The following STX11 variants were observed in gnomAD, a reference collection of about 807,000 sequenced individuals.
STX11 encodes syntaxin-11.
Under a neutral mutation model 19.9 loss-of-function variants are expected in STX11, and 21 were observed. The observed-to-expected ratio is 1.06, with a 90% CI of 0.75 to 1.52. The LOEUF (loss-of-function observed/expected upper bound fraction) is 1.52. STX11 is among the 40% of genes most tolerant of loss of function. The pLI is 0.00. For synonymous variants in STX11, 193 were observed against 174.4 expected (o/e 1.11, Z -0.84); for missense variants, 438 against 405.9 (o/e 1.08, Z -0.68).
rs1014541037 is a variant in STX11 at position 144,182,814 on chromosome 6, G to A, written c.-5-3809G>A. On this transcript the variant is annotated intron_variant, in intron 1 of 1. Transcript: ENST00000367568. The surrounding 1 kb of genome is among the most constrained non-coding windows in gnomAD (Gnocchi z 4.8). ...TCCATTGAAGTGCCTTGTAAGGCTT[G>A]GCCAACATGTAAGGAAGGAAGGCAT... Among the ~76,000 whole-genome samples the A allele has an allele frequency of 1.3e-5, 2 of 152,122 alleles. No homozygotes were observed. The highest frequency in any genetic ancestry group is 4.8e-5 in the African/African-American group (2 of 41,412).
At chr6:144,141,872 G>C in the STX11 span, among the ~76,000 whole-genome samples, 5 of 151,914 alleles carry the variant, frequency 3.3e-5, no homozygotes, top group Admixed American at 1.3e-4. Context: ...TGTAGAGATG[G>C]GGTTTTGCCA....
chr6:144,164,629 A>G (rs1801431001), intron 1 of STX11, among the ~76,000 whole-genome samples: 1 of 152,234 alleles, frequency 6.6e-6, no homozygotes, highest in Non-Finnish European at 1.5e-5. Flanking sequence ...TTCTGTTGGT[A>G]TTAAAAGATG....
upstream of STX11, chr6:144,150,478 G>A (rs1325371147): frequency 5.1e-6 from 5 of 984,924 alleles, no homozygotes; most frequent in Non-Finnish European, 6.0e-6. Context: ...CCCAGCTGTG[G>A]TCGCTTCCTA....
intron 1 of STX11, among the ~76,000 whole-genome samples, chr6:144,150,918 A>AT (rs1314203501): frequency 1.3e-5 from 2 of 152,112 alleles, no homozygotes; most frequent in African/African-American, 4.8e-5. Context: ...AAGCAGAATG[A>AT]TTTTTTAAAA....
At chr6:144,140,892 A>C in the STX11 span, 1 of 639,988 alleles carries the variant, frequency 1.6e-6, no homozygotes, top group Non-Finnish European at 1.9e-6. Context: ...GGCTATACAA[A>C]TGTTTAATGT....
intron 1 of STX11, among the ~76,000 whole-genome samples, chr6:144,185,917 T>C (rs1481635812): frequency 1.3e-5 from 2 of 152,160 alleles, no homozygotes; most frequent in Non-Finnish European, 2.9e-5. Flanking sequence ...TAAGAGTTGT[T>C]AGTGTGTACA....
chr6:144,191,555 T>C lies in STX11; in HGVS notation c.*4064T>C, dbSNP rs1052127831. 2.0e-5 allele frequency among the ~76,000 whole-genome samples: 3 copies of C among 151,718 alleles called. No individual in the cohort carries two copies. Among genetic ancestry groups the C allele is most frequent in the African/African-American group, 7.3e-5 (3 of 41,256 alleles). ...AGCTTAAAAAAAAAAATAGGGTAACTATAGTCTTGATTTTTATGTATAAAT... is the reference window on the plus strand; with the variant it reads ...AGCTTAAAAAAAAAAATAGGGTAACCATAGTCTTGATTTTTATGTATAAAT... On this transcript the variant is annotated 3_prime_UTR_variant, in exon 2 of 2. Transcript: ENST00000367568.
At chr6:144,166,865 C>A (rs956039593) in intron 1 of STX11, among the ~76,000 whole-genome samples, 2 of 151,032 alleles carry the variant, frequency 1.3e-5, no homozygotes, top group African/African-American at 2.4e-5. Flanking sequence ...CTCCCCTCCC[C>A]TCCCCTCTCC....
rs1334801757 is a variant in STX11, at chr6:144,175,353, G to A, written c.-5-11270G>A. On this transcript the variant is annotated intron_variant, in intron 1 of 1. Transcript: ENST00000367568. The surrounding 1 kb of genome is among the most constrained non-coding windows in gnomAD (Gnocchi z 5.1). ...TTATACATGTTAGAATTTTATTGCTGTAAATGGAAATGGCAATTACATAAG... is the reference window on the plus strand; with the variant it reads ...TTATACATGTTAGAATTTTATTGCTATAAATGGAAATGGCAATTACATAAG... Among the ~76,000 whole-genome samples the A allele has an allele frequency of 6.6e-6, 1 of 152,160 alleles. No individual in the cohort carries two copies. Among genetic ancestry groups the A allele is most frequent in the Non-Finnish European group, 1.5e-5 (1 of 68,016 alleles).
rs1216142172 is a variant in STX11, at chr6:144,174,832, T to C, written c.-5-11791T>C. Among the ~76,000 whole-genome samples the C allele has an allele frequency of 5.3e-5, 8 of 152,108 alleles. No homozygotes were observed. The highest frequency in any genetic ancestry group is 2.0e-4 in the Admixed American group (3 of 15,268). On this transcript the variant is annotated intron_variant, in intron 1 of 1. Coordinates refer to ENST00000367568, the MANE Select transcript of STX11 (RefSeq NM_003764.4). This position sits in a 1 kb window ranked among gnomAD's most constrained non-coding sequence, Gnocchi z 5.3. ...TATTCATGGTTCTGATACTATCTGG[T>C]ACTACAATACTAACATTAGGCCAGG...
In STX11 at chr6:144,169,689, T is replaced by TTCC. The variant is rs1244024350; in HGVS notation, c.-5-16933_-5-16932insCCT. On this transcript the variant is annotated intron_variant, in intron 1 of 1. Coordinates refer to ENST00000367568, the MANE Select transcript of STX11 (RefSeq NM_003764.4). The surrounding 1 kb of genome is among the most constrained non-coding windows in gnomAD (Gnocchi z 5.2). ...CCTTCCTTCCTTCCTTCCTTCCTTC[T>TTCC]TTCTTTCCTTCCTACCTATGAGGTC... 3.8e-5 allele frequency among the ~76,000 whole-genome samples: 4 copies of TTCC among 104,592 alleles called. No homozygotes were observed. The highest frequency in any genetic ancestry group is 6.4e-5 in the Non-Finnish European group (3 of 46,744). 68.6% of individuals were successfully genotyped at this position (104,592 alleles called of 152,430 possible). A position where few individuals can be genotyped will look rare whatever the true frequency, so the allele number is the denominator to read the frequency against.
Position 144,172,027 on chromosome 6 carries a change from C to T in STX11, c.-5-14596C>T, listed in dbSNP as rs116753607. Reference sequence around the variant, plus strand: ...ACAATAAACTTTTGTTTTAAATGCACGAGAATTTACTTTCCAGAAATTATA... The same window carrying T: ...ACAATAAACTTTTGTTTTAAATGCATGAGAATTTACTTTCCAGAAATTATA... On this transcript the variant is annotated intron_variant, in intron 1 of 1. Coordinates refer to ENST00000367568, the MANE Select transcript of STX11 (RefSeq NM_003764.4). This position sits in a 1 kb window ranked among gnomAD's most constrained non-coding sequence, Gnocchi z 4.2. Among the ~76,000 whole-genome samples, 778 of 152,152 alleles carry T rather than the reference C, an allele frequency of 5.1e-3. 3 individuals carry two copies. The highest frequency in any genetic ancestry group is 0.018 in the African/African-American group (747 of 41,498).
intron 1 of STX11, among the ~76,000 whole-genome samples, chr6:144,164,862 T>TC (rs1272774984): frequency 7.6e-6 from 1 of 132,056 alleles, no homozygotes. Flanking sequence ...CCTGGGTAAT[T>TC]TTTTTTTTAT....
chr6:144,140,717 G>A, the STX11 span: 1,832 of 984,386 alleles, frequency 1.9e-3, 26 homozygotes, highest in African/African-American at 0.03. Context: ...GAGTGCCAAA[G>A]GGAAAAGTAA....
rs899084005 is a variant in STX11 at position 144,187,374 on chromosome 6, A to G, written c.747A>G (p.Val249=). The change falls in exon 2 of 2, where the codon GTA becomes GTG. Residue 249 remains valine (V), a synonymous_variant. Coordinates refer to ENST00000367568, the MANE Select transcript of STX11 (RefSeq NM_003764.4). The surrounding 1 kb of genome is among the most constrained non-coding windows in gnomAD (Gnocchi z 5.6). ...ADTLNVIELN[V]QKTVDYTGQA... is the part of the protein sequence containing the mutation. Reference sequence around the variant, plus strand: ...CCCTGAACGTCATCGAGCTCAACGTACAAAAGACGGTCGACTACACCGGCC... The same window carrying G: ...CCCTGAACGTCATCGAGCTCAACGTGCAAAAGACGGTCGACTACACCGGCC... 1.1e-5 allele frequency: 17 copies of G among 1,610,532 alleles called. No individual in the cohort carries two copies. In the East Asian group the frequency reaches 3.1e-4, roughly 30 times the overall value.
At position 144,150,617 on chromosome 6, in the gene STX11, G is replaced by C. The variant is rs1222492065; in HGVS notation, c.-92G>C. 2.0e-6 allele frequency: 2 copies of C among 985,362 alleles called. No homozygotes were observed. Among genetic ancestry groups the C allele is most frequent in the South Asian group, 4.7e-5 (1 of 21,290 alleles). 61.0% of individuals were successfully genotyped at this position (985,362 alleles called of 1,614,324 possible). On this transcript the variant is annotated 5_prime_UTR_variant, in exon 1 of 2. Transcript: ENST00000367568. ...GGAGCCGCCGGGAGTCGCGCAACAG[G>C]TTTCCTTCTCCATCGCTGCGCCCAC...
rs1562674327 is a variant in STX11, at chr6:144,191,173, C to T, written c.*3682C>T. Among the ~76,000 whole-genome samples, 1 of 150,076 alleles carries T rather than the reference C, an allele frequency of 6.7e-6. No individual in the cohort carries two copies. The highest frequency in any genetic ancestry group is 1.5e-5 in the Non-Finnish European group (1 of 67,692). ...TATACAGTGACTACTTTCTACTAGC[C>T]AAATATCAAATTTTACAACTACCAC... On this transcript the variant is annotated 3_prime_UTR_variant, in exon 2 of 2. Transcript: ENST00000367568.
At chr6:144,150,412 C>G (rs1800967369), upstream of STX11, 2 of 871,644 alleles carry the variant, frequency 2.3e-6, no homozygotes, top group African/African-American at 3.6e-5. Flanking sequence ...AACCCGCGCT[C>G]TGTGAGCCGG....
rs1339631682 is a variant in STX11 at position 144,155,073 on chromosome 6, A to T, written c.-6+4370A>T. ...GGGACTAAGAATTGATCTAGGAAGA[A>T]ACTGGAATAATCAGACCTTTTCTCC... On this transcript the variant is annotated intron_variant, in intron 1 of 1. Transcript: ENST00000367568. This position sits in a 1 kb window ranked among gnomAD's most constrained non-coding sequence, Gnocchi z 4.5. Among the ~76,000 whole-genome samples the T allele has an allele frequency of 1.3e-5, 2 of 152,222 alleles. No homozygotes were observed. Among genetic ancestry groups the T allele is most frequent in the Non-Finnish European group, 2.9e-5 (2 of 68,038 alleles).
Sources: gnomAD v4.1 joint callset for allele counts (sites outside exome capture counted in the v4.1 genomes callset) on GRCh38, gnomAD v4.1.1 for gene constraint, Gnocchi (gnomAD v3.1) non-coding constraint, MANE v1.5 for transcripts, NCBI Gene and HGNC (gene_info 2026-07-23, HGNC 2026-07-21) for gene names.